FKBP5: variants seen among roughly 807,000 people sequenced by gnomAD.
FKBP5 encodes the protein peptidyl-prolyl cis-trans isomerase FKBP5.
FKBP5 carries 23 observed loss-of-function variants against 50.5 expected under a neutral mutation model. The ratio of observed to expected loss-of-function variants is 0.46; its 90% CI spans 0.33 to 0.65. FKBP5 has a LOEUF of 0.65. Among genes scored for constraint, FKBP5 ranks in the 30% least tolerant of loss-of-function variants. The probability of loss-of-function intolerance (pLI) is 0.02; values close to 1 mark genes in which losing one functional copy is unlikely to be tolerated. For missense variants in FKBP5, 411 were observed against 553.1 expected (o/e 0.74, Z 2.58); for synonymous variants, 176 against 190.6 (o/e 0.92, Z 0.63).
Position 35,718,709 on chromosome 6 carries a change from A to G in FKBP5, c.-20+1619T>C, listed in dbSNP as rs796420218. 2.0e-5 allele frequency among the ~76,000 whole-genome samples: 3 copies of G among 152,296 alleles called. 1 individual carries two copies. Among genetic ancestry groups the G allele is most frequent in the African/African-American group, 7.2e-5 (3 of 41,554 alleles). ...TCTACAGCACAACACAGGTGCTCAAATAACTGTTTTTGAATGAAGAAAGGA... is the reference window on the plus strand; with the variant it reads ...TCTACAGCACAACACAGGTGCTCAAGTAACTGTTTTTGAATGAAGAAAGGA... On this transcript the variant is annotated intron_variant, in intron 2 of 11. Transcript: ENST00000536438.
intron 5 of FKBP5, among the ~76,000 whole-genome samples, chr6:35,605,819 C>T (rs937616635): frequency 3.2e-4 from 49 of 152,242 alleles, no homozygotes; most frequent in African/African-American, 1.1e-3. Flanking sequence ...AATCAGTATG[C>T]GGCAAGTCCT....
At chr6:35,650,299 CAAAAA>C (rs34190034) in intron 1 of FKBP5, among the ~76,000 whole-genome samples, 2 of 99,904 alleles carry the variant, frequency 2.0e-5, no homozygotes, top group African/African-American at 3.8e-5. Context: ...AGATATTGTC[CAAAAA>C]AAAAAAAAAA....
intron 2 of FKBP5, among the ~76,000 whole-genome samples, chr6:35,708,168 G>A (rs1372087020): frequency 6.6e-6 from 1 of 152,224 alleles, no homozygotes; most frequent in South Asian, 2.1e-4. Flanking sequence ...TAGGTATAAA[G>A]ATCTAGTTCC....
Position 35,593,885 on chromosome 6 carries a change from C to G in FKBP5, c.666-2665G>C, listed in dbSNP as rs141717792. ...CCTGTGTTTTTGTTTGGGGTTCATG[C>G]GTGACAGAAACATAAGGAAAGGACG... is the stretch of plus-strand genomic sequence containing the variant. On this transcript the variant is annotated intron_variant, in intron 6 of 10. Transcript: ENST00000357266. Among the ~76,000 whole-genome samples, 1,125 of 151,412 alleles carry G rather than the reference C, an allele frequency of 7.4e-3. 12 individuals are homozygous for G. Among genetic ancestry groups the G allele is most frequent in the African/African-American group, 0.024 (972 of 41,256 alleles).
intron 2 of FKBP5, among the ~76,000 whole-genome samples, chr6:35,641,852 G>A (rs891993523): frequency 5.3e-5 from 8 of 151,698 alleles, no homozygotes; most frequent in Admixed American, 1.3e-4. Flanking sequence ...AAAAATTAGC[G>A]AGGCATGGTA....
intron 8 of FKBP5, chr6:35,584,037 C>T (rs1762526902): frequency 2.0e-6 from 2 of 985,268 alleles, no homozygotes; most frequent in South Asian, 4.7e-5. Flanking sequence ...TGTTCTTAGC[C>T]TTCTTGCCAC....
At chr6:35,588,642 C>T (rs1762691214) in intron 7 of FKBP5, among the ~76,000 whole-genome samples, 1 of 151,894 alleles carries the variant, frequency 6.6e-6, no homozygotes, top group Non-Finnish European at 1.5e-5. Context: ...GCTCTGTCGT[C>T]CAGGCTGGAG....
intron 3 of FKBP5, among the ~76,000 whole-genome samples, chr6:35,630,730 G>A (rs892900064): frequency 3.3e-5 from 5 of 152,100 alleles, no homozygotes; most frequent in African/African-American, 1.2e-4. Flanking sequence ...GCAATTTACC[G>A]AGCTTCTCTG....
Position 35,599,465 on chromosome 6 carries a change from G to A in FKBP5, c.509-2061C>T, listed in dbSNP as rs554777347. Reference sequence around the variant, plus strand: ...CCCCTGGACATTTATGCTCTAAAGCGTTCTACCCTTTTCTTCTCTTTTTTC... The same window carrying A: ...CCCCTGGACATTTATGCTCTAAAGCATTCTACCCTTTTCTTCTCTTTTTTC... On this transcript the variant is annotated intron_variant, in intron 5 of 10. Transcript: ENST00000357266. Among the ~76,000 whole-genome samples the A allele has an allele frequency of 4.6e-5, 7 of 152,258 alleles. No individual in the cohort carries two copies. In the East Asian group the frequency reaches 1.2e-3, roughly 25 times the overall value.
chr6:35,685,392 T>G (rs891560322), intron 1 of FKBP5, among the ~76,000 whole-genome samples: 1 of 152,242 alleles, frequency 6.6e-6, no homozygotes, highest in African/African-American at 2.4e-5. Context: ...AGATTTAATT[T>G]TCTTTATACT....
intron 7 of FKBP5, among the ~76,000 whole-genome samples, chr6:35,587,665 ACTT>A (rs1762644357): frequency 6.6e-6 from 1 of 152,146 alleles, no homozygotes; most frequent in African/African-American, 2.4e-5. Context: ...ACTGGGGGGG[ACTT>A]CAAGCAAAAC....
chr6:35,664,959 A>G (rs1765173960), intron 1 of FKBP5, among the ~76,000 whole-genome samples: 1 of 152,190 alleles, frequency 6.6e-6, no homozygotes, highest in African/African-American at 2.4e-5. Flanking sequence ...CAACTTCAAT[A>G]TAATTTTTCT....
intron 2 of FKBP5, among the ~76,000 whole-genome samples, chr6:35,638,370 C>A (rs902713776): frequency 2.6e-5 from 4 of 152,162 alleles, no homozygotes; most frequent in African/African-American, 9.7e-5. Flanking sequence ...CACATAAACA[C>A]TGTGAACTTA....
intron 1 of FKBP5, among the ~76,000 whole-genome samples, chr6:35,650,764 C>T (rs761479164): frequency 1.2e-4 from 19 of 152,162 alleles, no homozygotes; most frequent in Non-Finnish European, 2.5e-4. Context: ...ACATGAGCCA[C>T]CGCACCTGGC....
intron 5 of FKBP5, among the ~76,000 whole-genome samples, chr6:35,615,165 C>CACACAG (rs141422509): frequency 2.7e-5 from 4 of 150,834 alleles, no homozygotes; most frequent in African/African-American, 9.8e-5. Context: ...TACACACACA[C>CACACAG]ACACACACAC....
upstream of FKBP5, among the ~76,000 whole-genome samples, chr6:35,691,974 C>G (rs1047111209): frequency 5.9e-5 from 9 of 152,084 alleles, no homozygotes; most frequent in African/African-American, 2.2e-4. Context: ...AACAAAGGGC[C>G]CTGCACTCTC....
intron 5 of FKBP5, among the ~76,000 whole-genome samples, chr6:35,605,383 CTTTTTTTTTTTTTTT>C (rs1158530509): frequency 9.6e-5 from 5 of 52,310 alleles, no homozygotes; most frequent in East Asian, 7.5e-4. Context: ...ATGACAATAT[CTTTTTTTTTTTTTTT>C]TTTTTTTTTT....
chr6:35,595,519 G>C (rs1295061307), intron 6 of FKBP5, among the ~76,000 whole-genome samples: 1 of 152,166 alleles, frequency 6.6e-6, no homozygotes, highest in Non-Finnish European at 1.5e-5. Context: ...GGGAGGGTGA[G>C]ACAGGCGGAT....
chr6:35,591,286 A>G, intron 6 of FKBP5, 66 bp from the exon 7 acceptor site: 1 of 1,071,794 alleles, frequency 9.3e-7, no homozygotes, highest in Non-Finnish European at 1.4e-6. Context: ...TTCCTTCAGT[A>G]TTTTGAGGCA....
Sources: gnomAD v4.1 joint callset for allele counts (sites outside exome capture counted in the v4.1 genomes callset) on GRCh38, gnomAD v4.1.1 for gene constraint, MANE v1.5 for transcripts, NCBI Gene and HGNC (gene_info 2026-07-23, HGNC 2026-07-21) for gene names.